GALNT2: variants seen among roughly 807,000 people sequenced by gnomAD.
GALNT2 encodes the protein polypeptide N-acetylgalactosaminyltransferase 2.
A neutral mutation model predicts 81.4 loss-of-function variants in GALNT2; 31 were observed. That is an observed-to-expected ratio of 0.38 (90% CI 0.29 to 0.51). The LOEUF is 0.51. Ranked by LOEUF, GALNT2 falls within the 20% of genes least tolerant of loss-of-function variation. GALNT2 has a pLI of 0.87. For missense variants in GALNT2, 629 were observed against 765.7 expected (o/e 0.82, Z 2.11); for synonymous variants, 303 against 287.4 (o/e 1.05, Z -0.55).
rs147614078 is a variant in GALNT2, at chr1:230,155,207, G to A, written c.127-23011G>A. On this transcript the variant is annotated intron_variant, in intron 1 of 15. Transcript: ENST00000366672. ...TCACTTTCTCTCACATCTGTGGAGC[G>A]GAAGTCCTGAGGCAGTCACCGTTTG... Among the ~76,000 whole-genome samples the A allele has an allele frequency of 6.0e-4, 91 of 152,220 alleles. 1 individual carries two copies. The highest frequency in any genetic ancestry group is 6.8e-3 in the Middle Eastern group (2 of 294).
At chr1:230,117,837 AG>A (rs1660890997) in intron 1 of GALNT2, among the ~76,000 whole-genome samples, 1 of 152,248 alleles carries the variant, frequency 6.6e-6, no homozygotes, top group South Asian at 2.1e-4. Flanking sequence ...TGCTCGATGT[AG>A]GGTTGCCACA....
intron 1 of GALNT2, among the ~76,000 whole-genome samples, chr1:230,115,817 A>G (rs1243231536): frequency 6.6e-6 from 1 of 152,208 alleles, no homozygotes; most frequent in African/African-American, 2.4e-5. Context: ...TTGTCAATTA[A>G]GTTTATTCTG....
chr1:230,202,766 C>T (rs559919498), intron 2 of GALNT2, among the ~76,000 whole-genome samples: 4 of 152,178 alleles, frequency 2.6e-5, no homozygotes, highest in Admixed American at 2.6e-4. Flanking sequence ...TCTTCTTCAC[C>T]CTACCTGAGA....
Position 230,263,018 on chromosome 1 carries a change from G to A in GALNT2, c.1313+13G>A. The A allele has an allele frequency of 6.2e-7, 1 of 1,605,836 alleles. No homozygotes were observed. On this transcript the variant is annotated intron_variant, in intron 13 of 15. Coordinates refer to ENST00000366672, the MANE Select transcript of GALNT2 (RefSeq NM_004481.5). ...ATCCAGAGTTAAGGTAAGTCCCCAG[G>A]GATCTGGGGTTTCACTTTGTAAGGG...
intron 2 of GALNT2, 114 bp from the exon 3 acceptor site, chr1:230,203,023 A>G (rs1482746179): frequency 2.8e-5 from 32 of 1,129,218 alleles, no homozygotes; most frequent in Non-Finnish European, 3.9e-5. Flanking sequence ...TAAAATGGCC[A>G]CTATATAAAG....
chr1:230,255,586 C>CTCA, intron 11 of GALNT2: 1 of 541,068 alleles, frequency 1.8e-6, no homozygotes, highest in Non-Finnish European at 3.3e-6. Context: ...ATGTCACAGC[C>CTCA]TCATAAAAAC....
intron 3 of GALNT2, among the ~76,000 whole-genome samples, chr1:230,216,457 A>G (rs1038610286): frequency 3.9e-5 from 6 of 152,218 alleles, no homozygotes; most frequent in Non-Finnish European, 8.8e-5. Flanking sequence ...ATTCACATAT[A>G]CTTTGGAGTT....
At chr1:230,142,528 A>C (rs1013745884) in intron 1 of GALNT2, among the ~76,000 whole-genome samples, 6 of 152,154 alleles carry the variant, frequency 3.9e-5, no homozygotes, top group Non-Finnish European at 8.8e-5. Context: ...AATGGGGAAA[A>C]AAGTAGTACC....
chr1:230,279,933 G>T lies in GALNT2; in HGVS notation c.*475G>T, dbSNP rs1350587366. On this transcript the variant is annotated 3_prime_UTR_variant, in exon 16 of 16. Coordinates refer to ENST00000366672, the MANE Select transcript of GALNT2 (RefSeq NM_004481.5). This position sits in a 1 kb window ranked among gnomAD's most constrained non-coding sequence, Gnocchi z 4.6. ...CCACAAAGCCGAGTCGTGTCACGTG[G>T]CAGGTTTACGTCAATAGTCCCTCTC... is the stretch of plus-strand genomic sequence containing the variant. 3.6e-4 allele frequency: 163 copies of T among 456,476 alleles called. 1 individual carries two copies. The Admixed American group carries it at 3.7e-3, about 10-fold the overall frequency. The allele number at this position is 456,476 out of a possible 1,614,324, so 28.3% of individuals were successfully genotyped here.
intron 1 of GALNT2, among the ~76,000 whole-genome samples, chr1:230,140,669 C>T (rs1458499058): frequency 1.3e-5 from 2 of 152,224 alleles, no homozygotes; most frequent in African/African-American, 4.8e-5. Flanking sequence ...CTTCTCCCCT[C>T]CCACAATGAG....
At chr1:230,237,172 G>A (rs560699655) in intron 6 of GALNT2, among the ~76,000 whole-genome samples, 4 of 152,330 alleles carry the variant, frequency 2.6e-5, no homozygotes, top group East Asian at 3.9e-4. Flanking sequence ...ATGCTCATGC[G>A]ATTTTGCAAA....
Position 230,275,351 on chromosome 1 carries a change from T to C in GALNT2, c.1560+787T>C, listed in dbSNP as rs1414260764. Among the ~76,000 whole-genome samples, 1 of 151,106 alleles carries C rather than the reference T, an allele frequency of 6.6e-6. No individual in the cohort carries two copies. Among genetic ancestry groups the C allele is most frequent in the Non-Finnish European group, 1.5e-5 (1 of 67,742 alleles). ...CACACCACATATGTATACATATATA[T>C]ACATGCCACATATACATCTATAAAC... On this transcript the variant is annotated intron_variant, in intron 15 of 15. Coordinates refer to ENST00000366672, the MANE Select transcript of GALNT2 (RefSeq NM_004481.5). This position sits in a 1 kb window ranked among gnomAD's most constrained non-coding sequence, Gnocchi z 5.5.
At chr1:230,245,493 AAGAT>A (rs886153121) in intron 7 of GALNT2, among the ~76,000 whole-genome samples, 2 of 152,096 alleles carry the variant, frequency 1.3e-5, no homozygotes, top group African/African-American at 4.8e-5. Flanking sequence ...AAAAACAAAA[AAGAT>A]AGAATTACAG....
chr1:230,121,383 C>A (rs1446820687), intron 1 of GALNT2, among the ~76,000 whole-genome samples: 2 of 152,234 alleles, frequency 1.3e-5, no homozygotes, highest in African/African-American at 4.8e-5. Context: ...CGTGAACAGA[C>A]AACTCTGTTG....
chr1:230,249,140 G>A, intron 8 of GALNT2, 44 bp from the exon 9 acceptor site: 2 of 1,534,678 alleles, frequency 1.3e-6, no homozygotes, highest in Non-Finnish European at 1.8e-6. Flanking sequence ...GGGAGGAAGT[G>A]GCCAGTCTCT....
At position 230,262,207 on chromosome 1, in the gene GALNT2, C is replaced by T. The variant is rs537776837; in HGVS notation, c.1137-366C>T. On this transcript the variant is annotated intron_variant, in intron 11 of 15. Coordinates refer to ENST00000366672, the MANE Select transcript of GALNT2 (RefSeq NM_004481.5). ...CTCTGTGGCCCCGGCCCTCTGTGGA[C>T]GCGTAATGTGAGAGTTTTTAAAGAG... The T allele has an allele frequency of 2.0e-5, 4 of 199,740 alleles. No individual in the cohort carries two copies. The East Asian group carries it at 5.3e-4, about 27-fold the overall frequency. 12.4% of individuals were successfully genotyped at this position (199,740 alleles called of 1,614,324 possible). A position where few individuals can be genotyped will look rare whatever the true frequency, so the allele number is the denominator to read the frequency against.
rs145074042 is a variant in GALNT2 at position 230,257,369 on chromosome 1, A to G, written c.1136+2025A>G. On this transcript the variant is annotated intron_variant, in intron 11 of 15. Transcript: ENST00000366672. This position sits in a 1 kb window ranked among gnomAD's most constrained non-coding sequence, Gnocchi z 4.6. ...GTAGCCCAGGCCAGAGATGTGATAC[A>G]GTCATGCACCTGTAACAGCGTTTCG... is the stretch of plus-strand genomic sequence containing the variant. 4.0e-4 allele frequency among the ~76,000 whole-genome samples: 61 copies of G among 152,348 alleles called. No homozygotes were observed. The highest frequency in any genetic ancestry group is 1.4e-3 in the African/African-American group (59 of 41,590).
rs1203910406 is a variant in GALNT2, at chr1:230,250,389, A to G, written c.906-68A>G. 19 of 1,173,858 alleles carry G rather than the reference A, an allele frequency of 1.6e-5. No individual in the cohort carries two copies. The East Asian group carries it at 2.1e-4, about 13-fold the overall frequency. The allele number at this position is 1,173,858 out of a possible 1,614,324, so 72.7% of individuals were successfully genotyped here. ...GGAATCAAGGCTTGGCCTTGGCGCA[A>G]GGGTGCTGGCAATCTAACCTTGACT... On this transcript the variant is annotated intron_variant, in intron 9 of 15. Coordinates refer to ENST00000366672, the MANE Select transcript of GALNT2 (RefSeq NM_004481.5).
intron 3 of GALNT2, among the ~76,000 whole-genome samples, chr1:230,203,970 A>G (rs1268481443): frequency 6.6e-6 from 1 of 152,160 alleles, no homozygotes; most frequent in Admixed American, 6.5e-5. Context: ...GACTACAGGC[A>G]TTCACCACTA....
Sources: gnomAD v4.1 joint callset for allele counts (sites outside exome capture counted in the v4.1 genomes callset) on GRCh38, gnomAD v4.1.1 for gene constraint, Gnocchi (gnomAD v3.1) non-coding constraint, MANE v1.5 for transcripts, NCBI Gene and HGNC (gene_info 2026-07-23, HGNC 2026-07-21) for gene names.